SH3GL3: variants seen among roughly 807,000 people sequenced by gnomAD.
SH3GL3 encodes the protein endophilin-A3.
In SH3GL3, 33 loss-of-function variants were observed where a neutral mutation model predicts 47.7. The ratio of observed to expected loss-of-function variants is 0.69; its 90% CI spans 0.52 to 0.92. The LOEUF (loss-of-function observed/expected upper bound fraction) is 0.92, where lower values mean the gene tolerates loss of function less well. Among genes scored for constraint, SH3GL3 ranks in the 40% least tolerant of loss-of-function variants. The probability of loss-of-function intolerance (pLI) is 0.00; values close to 1 mark genes in which losing one functional copy is unlikely to be tolerated. For missense variants in SH3GL3, 363 were observed against 417.8 expected (o/e 0.87, Z 1.14); for synonymous variants, 155 against 148.8 (o/e 1.04, Z -0.30).
chr15:83,467,807 G>T (rs918166906), intron 1 of SH3GL3, among the ~76,000 whole-genome samples: 3 of 151,866 alleles, frequency 2.0e-5, no homozygotes, highest in African/African-American at 4.8e-5. Flanking sequence ...GATTGTAAAA[G>T]GTATTGTATT....
chr15:83,579,507 C>T (rs1208412663), intron 6 of SH3GL3, among the ~76,000 whole-genome samples: 1 of 152,200 alleles, frequency 6.6e-6, no homozygotes. Context: ...TCCCTCCTTC[C>T]TGCTTCCTGC....
chr15:83,546,610 G>A (rs2044412103), intron 1 of SH3GL3, among the ~76,000 whole-genome samples: 1 of 152,036 alleles, frequency 6.6e-6, no homozygotes, highest in Non-Finnish European at 1.5e-5. Flanking sequence ...CTTTCCCTGT[G>A]GATACTATAG....
chr15:83,614,817 C>G (rs1189194040), intron 8 of SH3GL3, among the ~76,000 whole-genome samples: 1 of 152,160 alleles, frequency 6.6e-6, no homozygotes, highest in Non-Finnish European at 1.5e-5. Context: ...TAATCCTTCT[C>G]ACAACAGGAA....
chr15:83,541,416 C>T (rs937251130), intron 1 of SH3GL3, among the ~76,000 whole-genome samples: 38 of 142,426 alleles, frequency 2.7e-4, no homozygotes, highest in African/African-American at 9.7e-4. Context: ...TCACTGCAAG[C>T]TCCGCCTCCC....
intron 8 of SH3GL3, among the ~76,000 whole-genome samples, chr15:83,598,974 G>A (rs1018492488): frequency 5.9e-5 from 9 of 152,102 alleles, no homozygotes; most frequent in Non-Finnish European, 1.2e-4. Context: ...TATAAAAAAC[G>A]TATCAAGAGG....
intron 8 of SH3GL3, among the ~76,000 whole-genome samples, chr15:83,615,561 C>G (rs894033104): frequency 6.6e-6 from 1 of 152,202 alleles, no homozygotes; most frequent in Non-Finnish European, 1.5e-5. Context: ...AACTGCCCGC[C>G]TTGGCCTCCC....
At chr15:83,468,969 A>G (rs1477843361) in intron 1 of SH3GL3, among the ~76,000 whole-genome samples, 1 of 152,098 alleles carries the variant, frequency 6.6e-6, no homozygotes, top group Non-Finnish European at 1.5e-5. Flanking sequence ...GTGATTTCTC[A>G]TTTGGGAAAT....
intron 7 of SH3GL3, among the ~76,000 whole-genome samples, chr15:83,587,882 T>C (rs2059995528): frequency 6.6e-6 from 1 of 152,344 alleles, no homozygotes; most frequent in South Asian, 2.1e-4. Context: ...GGATTTTTAC[T>C]TAAATCAATG....
At position 83,448,112 on chromosome 15, in the gene SH3GL3, G is replaced by A. The variant is rs965573619; in HGVS notation, c.45+534G>A. ...CCGTCTGGACTGTGCCCGGCTCCCC[G>A]GCTGGGGCTCTCTACCGCGGTCCTT... On this transcript the variant is annotated intron_variant, in intron 1 of 8. Transcript: ENST00000427482. The surrounding 1 kb of genome is among the most constrained non-coding windows in gnomAD (Gnocchi z 4.2). Among the ~76,000 whole-genome samples the A allele has an allele frequency of 3.3e-5, 5 of 152,136 alleles. No homozygotes were observed. Among genetic ancestry groups the A allele is most frequent in the Non-Finnish European group, 5.9e-5 (4 of 68,028 alleles).
At chr15:83,612,616 G>A (rs902812174) in intron 8 of SH3GL3, among the ~76,000 whole-genome samples, 3 of 152,226 alleles carry the variant, frequency 2.0e-5, no homozygotes, top group African/African-American at 7.2e-5. Context: ...CTTCTCCCGG[G>A]ATTTCTGTGG....
chr15:83,483,254 G>A (rs2041448388), intron 1 of SH3GL3, among the ~76,000 whole-genome samples: 1 of 152,144 alleles, frequency 6.6e-6, no homozygotes, highest in Non-Finnish European at 1.5e-5. Flanking sequence ...TGAAAGGAAG[G>A]TTGCAAATGG....
chr15:83,631,778 G>C, the SH3GL3 span, among the ~76,000 whole-genome samples: 1 of 152,194 alleles, frequency 6.6e-6, no homozygotes, highest in Non-Finnish European at 1.5e-5. Context: ...GCCTGTGATG[G>C]GAGGGGCTGC....
chr15:83,458,702 C>T (rs1240683938), intron 1 of SH3GL3, among the ~76,000 whole-genome samples: 1 of 152,202 alleles, frequency 6.6e-6, no homozygotes, highest in Admixed American at 6.5e-5. Context: ...ACACACCTGG[C>T]TAGTCACACC....
intron 1 of SH3GL3, among the ~76,000 whole-genome samples, chr15:83,555,979 C>G (rs2044935406): frequency 6.6e-6 from 1 of 152,156 alleles, no homozygotes; most frequent in Non-Finnish European, 1.5e-5. Flanking sequence ...GCTATGTATT[C>G]AAGGCATAAA....
intron 1 of SH3GL3, among the ~76,000 whole-genome samples, chr15:83,486,166 C>G (rs140812399): frequency 1.3e-5 from 2 of 152,318 alleles, no homozygotes; most frequent in African/African-American, 2.4e-5. Flanking sequence ...TTATGGCCAG[C>G]CTGTATGAAT....
At chr15:83,515,732 C>T (rs2042951984) in intron 1 of SH3GL3, among the ~76,000 whole-genome samples, 1 of 152,136 alleles carries the variant, frequency 6.6e-6, no homozygotes, top group Non-Finnish European at 1.5e-5. Context: ...CCAAACATTT[C>T]AAATTAAATG....
At chr15:83,627,451 G>C in the SH3GL3 span, among the ~76,000 whole-genome samples, 4 of 151,944 alleles carry the variant, frequency 2.6e-5, no homozygotes, top group Non-Finnish European at 4.4e-5. Context: ...TAGTAAAAAG[G>C]CTGTATTTCA....
chr15:83,491,646 G>C, intron 1 of SH3GL3, among the ~76,000 whole-genome samples: 1 of 152,184 alleles, frequency 6.6e-6, no homozygotes, highest in East Asian at 1.9e-4. Flanking sequence ...GGTGCTGTAA[G>C]GAGTGGAAGA....
At chr15:83,524,153 G>A (rs1160799683) in intron 1 of SH3GL3, among the ~76,000 whole-genome samples, 4 of 152,166 alleles carry the variant, frequency 2.6e-5, no homozygotes, top group Admixed American at 2.6e-4. Flanking sequence ...GCTCTGTGGA[G>A]CCTTGCAGCC....
Sources: gnomAD v4.1 joint callset for allele counts (sites outside exome capture counted in the v4.1 genomes callset) on GRCh38, gnomAD v4.1.1 for gene constraint, Gnocchi (gnomAD v3.1) non-coding constraint, MANE v1.5 for transcripts, NCBI Gene and HGNC (gene_info 2026-07-23, HGNC 2026-07-21) for gene names.